Variants in C10orf90 observed in about 807,000 individuals in gnomAD.
C10orf90 encodes the protein chromosome 10 open reading frame 90.
In C10orf90, 56 loss-of-function variants were observed where a neutral mutation model predicts 62.5. That is an observed-to-expected ratio of 0.90 (90% CI 0.72 to 1.12). The LOEUF (loss-of-function observed/expected upper bound fraction) is 1.12. Among genes scored for constraint, C10orf90 ranks in the 50% most tolerant of loss-of-function variants. The pLI is 0.00. For missense variants in C10orf90, 970 were observed against 880.4 expected (o/e 1.10, Z -1.29); for synonymous variants, 386 against 340.4 (o/e 1.13, Z -1.47).
chr10:126,435,039 C>T (rs1231269560), intron 7 of C10orf90, among the ~76,000 whole-genome samples: 1 of 152,156 alleles, frequency 6.6e-6, no homozygotes, highest in Non-Finnish European at 1.5e-5. Context: ...TAAACATTAT[C>T]CTGTTTCTAA....
At chr10:126,551,793 C>T (rs1042616659) in intron 2 of C10orf90, among the ~76,000 whole-genome samples, 8 of 152,178 alleles carry the variant, frequency 5.3e-5, no homozygotes, top group Non-Finnish European at 5.9e-5. Context: ...GGGCCTTGCA[C>T]GCTTGCTGAA....
chr10:126,516,467 T>A lies in C10orf90; in HGVS notation c.314-2528A>T, dbSNP rs1166014583. 2.0e-5 allele frequency among the ~76,000 whole-genome samples: 3 copies of A among 152,168 alleles called. No individual in the cohort carries two copies. The East Asian group carries it at 5.8e-4, about 29-fold the overall frequency. On this transcript the variant is annotated intron_variant, in intron 2 of 9. Coordinates refer to ENST00000488181, the MANE Select transcript of C10orf90 (RefSeq NM_001350921.2). Reference sequence around the variant, plus strand: ...GTTACTCGTGTGGCTTTGAGCAAGTTACTTAGCATCCTTTGGTTCCTCACC... The same window carrying A: ...GTTACTCGTGTGGCTTTGAGCAAGTAACTTAGCATCCTTTGGTTCCTCACC...
At chr10:126,650,330 G>GA (rs1412467331) in intron 1 of C10orf90, among the ~76,000 whole-genome samples, 4 of 152,052 alleles carry the variant, frequency 2.6e-5, no homozygotes, top group Non-Finnish European at 5.9e-5. Context: ...CACACAATGG[G>GA]AAAAAAGATT....
intron 8 of C10orf90, among the ~76,000 whole-genome samples, chr10:126,429,489 C>A (rs1199150236): frequency 1.3e-5 from 2 of 152,198 alleles, no homozygotes; most frequent in African/African-American, 2.4e-5. Context: ...AGCAACAATA[C>A]TAATATGCAG....
At chr10:126,561,415 G>C (rs1051317162) in intron 2 of C10orf90, among the ~76,000 whole-genome samples, 4 of 152,138 alleles carry the variant, frequency 2.6e-5, no homozygotes, top group African/African-American at 9.7e-5. Flanking sequence ...AAAGCGGCAA[G>C]CTGGCTGAAA....
chr10:126,629,719 G>A (rs567025541), intron 2 of C10orf90, among the ~76,000 whole-genome samples: 1 of 152,234 alleles, frequency 6.6e-6, no homozygotes, highest in Non-Finnish European at 1.5e-5. Context: ...ATATGGCCAT[G>A]AATGTTTTGT....
chr10:126,643,643 G>C (rs1382898851), intron 2 of C10orf90, among the ~76,000 whole-genome samples: 1 of 152,132 alleles, frequency 6.6e-6, no homozygotes. Flanking sequence ...TAGCAACCTT[G>C]GTTCCTGTCT....
intron 2 of C10orf90, among the ~76,000 whole-genome samples, chr10:126,592,212 G>A (rs1240560970): frequency 6.6e-6 from 1 of 152,000 alleles, no homozygotes; most frequent in Non-Finnish European, 1.5e-5. Context: ...AAATTCATAT[G>A]GAAACAAAAA....
chr10:126,553,811 T>A lies in C10orf90; in HGVS notation c.314-39872A>T, dbSNP rs1215380884. On this transcript the variant is annotated intron_variant, in intron 2 of 9. Coordinates refer to ENST00000488181, the MANE Select transcript of C10orf90 (RefSeq NM_001350921.2). ...AACCTATCTCCATTGTTAAGTGATGTATGACTGTAAGACAGAAGAAATGCT... is the reference window on the plus strand; with the variant it reads ...AACCTATCTCCATTGTTAAGTGATGAATGACTGTAAGACAGAAGAAATGCT... Among the ~76,000 whole-genome samples the A allele has an allele frequency of 2.0e-5, 3 of 152,254 alleles. No individual in the cohort carries two copies. In the East Asian group the frequency reaches 5.8e-4, roughly 29 times the overall value.
chr10:126,457,215 C>T lies in C10orf90; in HGVS notation c.2188+1825G>A, dbSNP rs576630553. ...TGTTGCCCAGGCTGGTCTTGAACTC[C>T]TGGGCTCAAGAGATCCACCCATCTT... is the stretch of plus-strand genomic sequence containing the variant. On this transcript the variant is annotated intron_variant, in intron 7 of 9. Coordinates refer to ENST00000488181, the MANE Select transcript of C10orf90 (RefSeq NM_001350921.2). Among the ~76,000 whole-genome samples, 26 of 152,302 alleles carry T rather than the reference C, an allele frequency of 1.7e-4. 2 individuals are homozygous for T. In the South Asian group the frequency reaches 5.2e-3, roughly 30 times the overall value.
chr10:126,433,498 T>G (rs1405163965), intron 7 of C10orf90, among the ~76,000 whole-genome samples: 1 of 152,042 alleles, frequency 6.6e-6, no homozygotes, highest in African/African-American at 2.4e-5. Flanking sequence ...CAGGGTCACA[T>G]AGACCTGCCT....
chr10:126,518,672 C>G (rs559001899), intron 2 of C10orf90, among the ~76,000 whole-genome samples: 1 of 152,188 alleles, frequency 6.6e-6, no homozygotes, highest in African/African-American at 2.4e-5. Flanking sequence ...CTGCCCAGCA[C>G]GCCTGCCCTC....
chr10:126,521,931 G>A (rs1457903452), intron 2 of C10orf90, among the ~76,000 whole-genome samples: 1 of 152,178 alleles, frequency 6.6e-6, no homozygotes, highest in South Asian at 2.1e-4. Flanking sequence ...AGCACATAAT[G>A]AGCTGGAGAA....
chr10:126,480,991 G>T (rs574037767), intron 4 of C10orf90, among the ~76,000 whole-genome samples: 1 of 148,070 alleles, frequency 6.8e-6, no homozygotes, highest in Non-Finnish European at 1.5e-5. Flanking sequence ...ATGAGCCCAG[G>T]TGTCCCCTCT....
chr10:126,518,060 G>GT (rs3040749), intron 2 of C10orf90, among the ~76,000 whole-genome samples: 5 of 151,240 alleles, frequency 3.3e-5, no homozygotes, highest in Admixed American at 1.3e-4. Flanking sequence ...ACTCTTGTAT[G>GT]TTTTTTTTTT....
At chr10:126,556,836 A>G (rs1864784069) in intron 2 of C10orf90, among the ~76,000 whole-genome samples, 1 of 152,092 alleles carries the variant, frequency 6.6e-6, no homozygotes, top group African/African-American at 2.4e-5. Flanking sequence ...CTGTGAACAC[A>G]GGTTTGTACT....
chr10:126,565,052 T>A (rs1194783725), intron 2 of C10orf90, among the ~76,000 whole-genome samples: 2 of 32,914 alleles, frequency 6.1e-5, no homozygotes, highest in Non-Finnish European at 5.0e-5. Flanking sequence ...TAATATATAA[T>A]ATATAAAATA....
At chr10:126,639,386 A>C (rs138062849) in intron 2 of C10orf90, among the ~76,000 whole-genome samples, 12 of 152,330 alleles carry the variant, frequency 7.9e-5, no homozygotes, top group Admixed American at 5.9e-4. Flanking sequence ...AAGCAAAACC[A>C]AAAACCAGTG....
chr10:126,650,357 C>A (rs1846266772), intron 1 of C10orf90, among the ~76,000 whole-genome samples: 1 of 152,180 alleles, frequency 6.6e-6, no homozygotes, highest in Non-Finnish European at 1.5e-5. Context: ...CCATTTTTCA[C>A]CTCTGTTCCC....
Sources: gnomAD v4.1 joint callset for allele counts (sites outside exome capture counted in the v4.1 genomes callset) on GRCh38, gnomAD v4.1.1 for gene constraint, MANE v1.5 for transcripts, NCBI Gene and HGNC (gene_info 2026-07-23, HGNC 2026-07-21) for gene names.